MIB1: variants seen among roughly 807,000 people sequenced by gnomAD.
MIB1 encodes the protein E3 ubiquitin-protein ligase MIB1.
A neutral mutation model predicts 124.5 loss-of-function variants in MIB1; 278 were observed. The observed-to-expected ratio is 2.23, with a 90% CI of 2.02 to 2.47. MIB1 has a LOEUF of 2.47. Ranked by LOEUF, MIB1 falls within the 30% of genes most tolerant of loss-of-function variation. The pLI is 0.00. For missense variants in MIB1, 957 were observed against 1,254.4 expected, an observed-to-expected ratio of 0.76 and a Z score of 3.58; for synonymous variants, 446 against 429.4, an observed-to-expected ratio of 1.04 and a Z score of -0.48.
upstream of MIB1, among the ~76,000 whole-genome samples, chr18:21,739,464 G>A (rs553894111): frequency 3.2e-4 from 48 of 152,180 alleles, no homozygotes; most frequent in African/African-American, 1.2e-3. Context: ...GCATCATCCT[G>A]ATACCAAAAC....
rs552643655 is a variant in MIB1 at position 21,794,600 on chromosome 18, G to A, written c.1092+3043G>A. Among the ~76,000 whole-genome samples the A allele has an allele frequency of 9.2e-5, 14 of 152,106 alleles. No homozygotes were observed. The East Asian group carries it at 1.5e-3, about 17-fold the overall frequency. ...CAATTTGAAACTAAATTTTGAAGGGGCACATTGCATACCTGGGAAAACTGA... is the reference window on the plus strand; with the variant it reads ...CAATTTGAAACTAAATTTTGAAGGGACACATTGCATACCTGGGAAAACTGA... On this transcript the variant is annotated intron_variant, in intron 7 of 20. Coordinates refer to ENST00000261537, the MANE Select transcript of MIB1 (RefSeq NM_020774.4).
chr18:21,728,116 C>T (rs1372511182), intron 1 of MIB1, among the ~76,000 whole-genome samples: 12 of 152,230 alleles, frequency 7.9e-5, no homozygotes, highest in Non-Finnish European at 2.9e-5. Flanking sequence ...GTACCTTCAA[C>T]TACCCACCAC....
chr18:21,815,875 T>G, intron 11 of MIB1, 62 bp downstream of exon 11: 1 of 1,426,502 alleles, frequency 7.0e-7, no homozygotes, highest in African/African-American at 1.4e-5. Context: ...AGGGAAACAT[T>G]AAGTTCTATG....
chr18:21,792,491 A>G (rs182682935), intron 7 of MIB1, among the ~76,000 whole-genome samples: 323 of 152,000 alleles, frequency 2.1e-3, no homozygotes, highest in African/African-American at 7.4e-3. Context: ...CTGACCCTCC[A>G]TTAGCCCTTC....
At chr18:21,815,073 G>GTA (rs1255121195) in intron 10 of MIB1, among the ~76,000 whole-genome samples, 2 of 80,128 alleles carry the variant, frequency 2.5e-5, no homozygotes, top group Non-Finnish European at 5.3e-5. Context: ...ATATATAAAT[G>GTA]TATATATATA....
rs2042323059 is a variant in MIB1, at chr18:21,866,559, C to G, written c.*1893C>G. 6.6e-6 allele frequency: 1 copy of G among 152,148 alleles called. No homozygotes were observed. The highest frequency in any genetic ancestry group is 2.1e-4 in the South Asian group (1 of 4,814). 9.4% of individuals were successfully genotyped at this position (152,148 alleles called of 1,614,324 possible). A position where few individuals can be genotyped will look rare whatever the true frequency, so the allele number is the denominator to read the frequency against. ...GCCATGGGCTACCCATCTCTTCCCA[C>G]TAGATCACCTGGTGAGGAGGGAGCA... On this transcript the variant is annotated 3_prime_UTR_variant, in exon 21 of 21. Coordinates refer to ENST00000261537, the MANE Select transcript of MIB1 (RefSeq NM_020774.4).
chr18:21,730,238 TA>T (rs2040762413), intron 1 of MIB1, among the ~76,000 whole-genome samples: 1 of 152,202 alleles, frequency 6.6e-6, no homozygotes, highest in Non-Finnish European at 1.5e-5. Flanking sequence ...CTTCGGCTCA[TA>T]TTTCTCCTCC....
In MIB1 at chr18:21,735,610, G is replaced by A. The variant is rs182481677; in HGVS notation, n.168-30162G>A. ...GTCCCATCCCCACAGAGCCCAGCAA[G>A]CTAAGATCCACTGGCTTGAAATTCT... On this transcript the variant is annotated intron_variant and non_coding_transcript_variant, in intron 1 of 20. Transcript: ENST00000578646. Among the ~76,000 whole-genome samples, 351 of 152,296 alleles carry A rather than the reference G, an allele frequency of 2.3e-3. 2 individuals carry two copies. Among genetic ancestry groups the A allele is most frequent in the Non-Finnish European group, 4.2e-3 (288 of 68,032 alleles).
intron 1 of MIB1, among the ~76,000 whole-genome samples, chr18:21,720,182 T>G (rs2040708360): frequency 6.6e-6 from 1 of 152,172 alleles, no homozygotes; most frequent in Admixed American, 6.5e-5. Flanking sequence ...GAATTCCAGC[T>G]AACAAAATGA....
intron 6 of MIB1, among the ~76,000 whole-genome samples, chr18:21,780,992 C>G (rs1277565791): frequency 6.6e-6 from 1 of 152,198 alleles, no homozygotes; most frequent in Non-Finnish European, 1.5e-5. Flanking sequence ...TAAAGTCCCA[C>G]CAACAGTCTA....
chr18:21,716,818 C>T (rs2040691880), intron 1 of MIB1, among the ~76,000 whole-genome samples: 1 of 152,052 alleles, frequency 6.6e-6, no homozygotes, highest in South Asian at 2.1e-4. Context: ...CGCCACTGCA[C>T]TCCAGCCTGG....
At position 21,748,218 on chromosome 18, in the gene MIB1, C is replaced by T. The variant is rs986364610; in HGVS notation, c.229+6406C>T. On this transcript the variant is annotated intron_variant, in intron 1 of 20. Coordinates refer to ENST00000261537, the MANE Select transcript of MIB1 (RefSeq NM_020774.4). ...TTCAGAAACATGACCACCTGTAACA[C>T]TTTGCTTGTGGGAAAATTGATAATG... Among the ~76,000 whole-genome samples the T allele has an allele frequency of 8.5e-5, 13 of 152,188 alleles. 1 individual carries two copies. Among genetic ancestry groups the T allele is most frequent in the Non-Finnish European group, 4.4e-5 (3 of 68,018 alleles).
chr18:21,770,995 A>G lies in MIB1; in HGVS notation c.531+2243A>G, dbSNP rs576374087. Among the ~76,000 whole-genome samples, 65 of 152,298 alleles carry G rather than the reference A, an allele frequency of 4.3e-4. 2 individuals carry two copies. In the East Asian group the frequency reaches 0.012, roughly 28 times the overall value. ...ATTCAGGTTCAATTTTATTTTGGCA[A>G]ACATACCTCATATGTGATGCTGTGT... On this transcript the variant is annotated intron_variant, in intron 3 of 20. Transcript: ENST00000261537.
intron 6 of MIB1, among the ~76,000 whole-genome samples, chr18:21,785,498 A>G (rs1458903907): frequency 2.6e-5 from 4 of 152,238 alleles, no homozygotes; most frequent in Non-Finnish European, 4.4e-5. Flanking sequence ...AAGGAAAACT[A>G]AAAGACTCTA....
intron 11 of MIB1, among the ~76,000 whole-genome samples, chr18:21,818,889 C>T (rs908215291): frequency 4.6e-5 from 7 of 151,982 alleles, no homozygotes; most frequent in African/African-American, 1.5e-4. Context: ...GAGCTGAGAT[C>T]GCGCTATTGT....
intron 1 of MIB1, among the ~76,000 whole-genome samples, chr18:21,758,970 G>A (rs2041066141): frequency 6.6e-6 from 1 of 152,024 alleles, no homozygotes; most frequent in Non-Finnish European, 1.5e-5. Flanking sequence ...AACATTTAAT[G>A]TATACAAGTG....
chr18:21,861,077 T>A (rs1820569631), intron 20 of MIB1, among the ~76,000 whole-genome samples: 1 of 151,994 alleles, frequency 6.6e-6, no homozygotes, highest in South Asian at 2.1e-4. Flanking sequence ...ATGTATGAAT[T>A]TATTAGGCAT....
At chr18:21,780,456 C>T (rs572410017) in intron 6 of MIB1, among the ~76,000 whole-genome samples, 3 of 152,296 alleles carry the variant, frequency 2.0e-5, no homozygotes, top group South Asian at 2.1e-4. Flanking sequence ...CCACATTTTA[C>T]ATCTCCTCAT....
chr18:21,822,712 C>T (rs1365566952), intron 12 of MIB1, among the ~76,000 whole-genome samples: 1 of 152,000 alleles, frequency 6.6e-6, no homozygotes, highest in East Asian at 1.9e-4. Flanking sequence ...TGATTTTTCC[C>T]CCCCTATACT....
Sources: allele counts gnomAD v4.1 joint callset (sites outside exome capture counted in the v4.1 genomes callset), GRCh38; gene constraint gnomAD v4.1.1; transcripts MANE v1.5; gene names NCBI Gene and HGNC (gene_info 2026-07-23, HGNC 2026-07-21).